FGF12: variants seen among roughly 807,000 people sequenced by gnomAD.
The protein encoded by FGF12 is fibroblast growth factor 12B.
A neutral mutation model predicts 23.6 loss-of-function variants in FGF12; 14 were observed. The ratio of observed to expected loss-of-function variants is 0.59; its 90% CI spans 0.39 to 0.93. The LOEUF (loss-of-function observed/expected upper bound fraction) is 0.93, where lower values mean the gene tolerates loss of function less well. Ranked by LOEUF, FGF12 falls within the 40% of genes least tolerant of loss-of-function variation. FGF12 has a pLI of 0.00. For missense variants in FGF12, 175 were observed against 217.8 expected (o/e 0.80, Z 1.24); for synonymous variants, 62 against 77.3 (o/e 0.80, Z 1.04).
At chr3:192,445,726 C>T (rs1354312868) in intron 2 of FGF12, among the ~76,000 whole-genome samples, 1 of 152,176 alleles carries the variant, frequency 6.6e-6, no homozygotes, top group African/African-American at 2.4e-5. Flanking sequence ...TCATCCCAAA[C>T]TCTTATGAGT....
intron 3 of FGF12, among the ~76,000 whole-genome samples, chr3:192,349,592 G>T (rs1718115520): frequency 6.6e-6 from 1 of 151,926 alleles, no homozygotes; most frequent in Non-Finnish European, 1.5e-5. Flanking sequence ...TTGTCAACAT[G>T]AATATATATA....
intron 2 of FGF12, among the ~76,000 whole-genome samples, chr3:192,553,782 C>T (rs1316501925): frequency 6.6e-6 from 1 of 152,168 alleles, no homozygotes; most frequent in African/African-American, 2.4e-5. Flanking sequence ...GACTAAAACA[C>T]ATCCAAAACT....
At chr3:192,706,650 C>T (rs779700370) in intron 2 of FGF12, among the ~76,000 whole-genome samples, 3 of 152,216 alleles carry the variant, frequency 2.0e-5, no homozygotes, top group African/African-American at 4.8e-5. Flanking sequence ...CTTGAATCCC[C>T]GCCGCAAGAA....
chr3:192,229,108 T>C (rs1320553155), intron 4 of FGF12, among the ~76,000 whole-genome samples: 1 of 151,814 alleles, frequency 6.6e-6, no homozygotes, highest in African/African-American at 2.4e-5. Context: ...CTAAGTTGTC[T>C]AACTTCTGGG....
chr3:192,555,904 G>T (rs1303113312), intron 2 of FGF12, among the ~76,000 whole-genome samples: 1 of 152,064 alleles, frequency 6.6e-6, no homozygotes, highest in Non-Finnish European at 1.5e-5. Flanking sequence ...GACGTAAAGG[G>T]CAGTTTTTGT....
intron 2 of FGF12, among the ~76,000 whole-genome samples, chr3:192,513,889 G>C (rs1199431878): frequency 6.6e-6 from 1 of 152,110 alleles, no homozygotes; most frequent in African/African-American, 2.4e-5. Context: ...ACCTTTTAAA[G>C]AACTTTATAA....
intron 4 of FGF12, among the ~76,000 whole-genome samples, chr3:192,332,193 T>C (rs938190067): frequency 2.6e-5 from 4 of 152,052 alleles, no homozygotes; most frequent in African/African-American, 9.7e-5. Context: ...TGATATTTAC[T>C]AGCAAGAAAA....
At chr3:192,350,005 A>G (rs1373370901) in intron 3 of FGF12, among the ~76,000 whole-genome samples, 1 of 152,128 alleles carries the variant, frequency 6.6e-6, no homozygotes, top group East Asian at 1.9e-4. Context: ...TTCTAATTAA[A>G]TCTTTTGGTT....
intron 5 of FGF12, among the ~76,000 whole-genome samples, chr3:192,146,271 TA>T (rs796203141): frequency 4.8e-4 from 27 of 55,786 alleles, no homozygotes; most frequent in Non-Finnish European, 8.2e-4. Context: ...TTAAAGTGTA[TA>T]TTTTTTTTTT....
intron 4 of FGF12, among the ~76,000 whole-genome samples, chr3:192,176,541 C>T (rs1715871658): frequency 6.6e-6 from 1 of 152,208 alleles, no homozygotes; most frequent in Non-Finnish European, 1.5e-5. Flanking sequence ...TGAGATAGAA[C>T]TGATTGACAG....
chr3:192,483,370 T>C (rs1723534786), intron 2 of FGF12, among the ~76,000 whole-genome samples: 1 of 152,138 alleles, frequency 6.6e-6, no homozygotes, highest in African/African-American at 2.4e-5. Context: ...GTAACTTGCT[T>C]GCTCTTAAAA....
At chr3:192,251,700 A>C (rs1438528903) in intron 4 of FGF12, among the ~76,000 whole-genome samples, 1 of 152,200 alleles carries the variant, frequency 6.6e-6, no homozygotes, top group African/African-American at 2.4e-5. Context: ...CATGAAAAAG[A>C]TTAGATATTT....
intron 2 of FGF12, among the ~76,000 whole-genome samples, chr3:192,608,114 G>T (rs1274913931): frequency 4.6e-5 from 7 of 152,114 alleles, no homozygotes; most frequent in African/African-American, 1.7e-4. Context: ...ACCTCATAGA[G>T]ATAGAAGGTA....
chr3:192,357,115 T>C (rs1314598782), intron 3 of FGF12, among the ~76,000 whole-genome samples: 1 of 152,186 alleles, frequency 6.6e-6, no homozygotes, highest in Non-Finnish European at 1.5e-5. Flanking sequence ...TAGTAGAAGC[T>C]GGGTAAAAAG....
intron 4 of FGF12, among the ~76,000 whole-genome samples, chr3:192,212,584 A>G (rs1009314975): frequency 6.6e-6 from 1 of 152,156 alleles, no homozygotes; most frequent in Non-Finnish European, 1.5e-5. Flanking sequence ...TTATAGCACA[A>G]TTTGCACAGT....
Position 192,215,940 on chromosome 3 carries a change from C to A in FGF12, c.229-45284G>T, listed in dbSNP as rs149524497. Among the ~76,000 whole-genome samples, 16 of 152,264 alleles carry A rather than the reference C, an allele frequency of 1.1e-4. No individual in the cohort carries two copies. The East Asian group carries it at 2.9e-3, about 28-fold the overall frequency. ...TCACTTTGCTGCCCTCCTCTCTATG[C>A]ATCCCACTATCTTATCTGTATTAAA... On this transcript the variant is annotated intron_variant, in intron 4 of 5. Transcript: ENST00000445105.
chr3:192,368,578 C>A (rs1719087015), intron 2 of FGF12, among the ~76,000 whole-genome samples: 1 of 152,140 alleles, frequency 6.6e-6, no homozygotes, highest in South Asian at 2.1e-4. Context: ...AGATTAATAA[C>A]CAACAGATTA....
intron 2 of FGF12, among the ~76,000 whole-genome samples, chr3:192,622,984 T>C (rs753911167): frequency 6.6e-6 from 1 of 152,250 alleles, no homozygotes; most frequent in Non-Finnish European, 1.5e-5. Context: ...CCAATTTCTA[T>C]ATCAAACCTG....
chr3:192,632,906 C>A (rs1349006939), intron 2 of FGF12, among the ~76,000 whole-genome samples: 3 of 152,114 alleles, frequency 2.0e-5, no homozygotes, highest in Non-Finnish European at 4.4e-5. Context: ...CTATTCCATG[C>A]CTCTCTCCTA....
Sources: allele counts gnomAD v4.1 joint callset (sites outside exome capture counted in the v4.1 genomes callset), GRCh38; gene constraint gnomAD v4.1.1; transcripts MANE v1.5; gene names NCBI Gene and HGNC (gene_info 2026-07-23, HGNC 2026-07-21).